Variants in TENM1 observed in about 807,000 individuals in gnomAD.
TENM1 encodes teneurin transmembrane protein 1.
In TENM1, 35 loss-of-function variants were observed where a neutral mutation model predicts 174.8. That is an observed-to-expected ratio of 0.20 (90% CI 0.15 to 0.27). The LOEUF (loss-of-function observed/expected upper bound fraction) is 0.27, where lower values mean the gene tolerates loss of function less well. TENM1 is among the 10% of genes least tolerant of loss of function. The probability of loss-of-function intolerance (pLI) is 1.00; values close to 1 mark genes in which losing one functional copy is unlikely to be tolerated. For missense variants in TENM1, 1,633 were observed against 2,130.1 expected (o/e 0.77, Z 4.59); for synonymous variants, 781 against 798.7 (o/e 0.98, Z 0.37).
chrX:124,523,328 T>C lies in TENM1; in HGVS notation c.3033+36A>G, dbSNP rs778996424. ...ATACACTGTTGACCACTCCATGATA[T>C]TATTATTTTATACATTCAAAGGCCA... is the stretch of plus-strand genomic sequence containing the variant. On this transcript the variant is annotated intron_variant, in intron 17 of 31. Transcript: ENST00000422452. The C allele has an allele frequency of 1.6e-5, 19 of 1,189,526 alleles. No individual in the cohort carries two copies. In the Admixed American group the frequency reaches 4.2e-4, roughly 26 times the overall value.
chrX:124,996,551 AC>A, the TENM1 span, among the ~76,000 whole-genome samples: 9 of 71,727 alleles, frequency 1.3e-4, no homozygotes, highest in African/African-American at 6.7e-4. Context: ...AAAAAAAACC[AC>A]ACACACACAC....
intron 5 of TENM1, among the ~76,000 whole-genome samples, chrX:124,682,381 G>A (rs938469429): frequency 7.2e-5 from 8 of 111,237 alleles, no homozygotes; most frequent in African/African-American, 9.8e-5. Context: ...TAATTCTCAC[G>A]TAGCTATATA....
the TENM1 span, among the ~76,000 whole-genome samples, chrX:125,139,867 G>C: frequency 0.11 from 8,273 of 73,788 alleles, 374 homozygotes; most frequent in Non-Finnish European, 0.14. Context: ...CGGAGAGAGA[G>C]AGAGAGAGAG....
At chrX:124,564,433 G>A (rs1035968641) in intron 12 of TENM1, among the ~76,000 whole-genome samples, 42 of 111,687 alleles carry the variant, frequency 3.8e-4, no homozygotes, top group Non-Finnish European at 6.6e-4. Context: ...AGTCTAGTGA[G>A]GGAAAAGCCT....
intron 6 of TENM1, among the ~76,000 whole-genome samples, chrX:124,668,400 G>A (rs1336411465): frequency 1.8e-5 from 2 of 111,769 alleles, no homozygotes; most frequent in Non-Finnish European, 3.8e-5. Flanking sequence ...ACATGCACAC[G>A]TATGTTTACT....
chrX:124,784,700 T>C (rs1385085943), intron 3 of TENM1, among the ~76,000 whole-genome samples: 4 of 111,691 alleles, frequency 3.6e-5, no homozygotes, highest in African/African-American at 3.2e-5. Flanking sequence ...GTTTTAAAAT[T>C]TGAGATATTA....
intron 15 of TENM1, among the ~76,000 whole-genome samples, chrX:124,546,227 T>C (rs2048426037): frequency 8.9e-6 from 1 of 111,945 alleles, no homozygotes; most frequent in African/African-American, 3.2e-5. Context: ...GAGAACATTT[T>C]TGTGTCTGGA....
chrX:124,829,462 C>T (rs1055787831), intron 3 of TENM1, among the ~76,000 whole-genome samples: 10 of 111,902 alleles, frequency 8.9e-5, no homozygotes, highest in South Asian at 3.8e-4. Flanking sequence ...TCCCAGAGCA[C>T]GTCATCTCAA....
intron 3 of TENM1, among the ~76,000 whole-genome samples, chrX:124,769,399 G>C (rs2054605406): frequency 9.0e-6 from 1 of 111,538 alleles, no homozygotes; most frequent in Non-Finnish European, 1.9e-5. Flanking sequence ...CCCGTTAACT[G>C]CAAAAATTTC....
chrX:124,747,087 G>A (rs755750369), intron 3 of TENM1, among the ~76,000 whole-genome samples: 1 of 109,543 alleles, frequency 9.1e-6, no homozygotes, highest in Admixed American at 9.9e-5. Flanking sequence ...AGGAGGCAGA[G>A]GTTGCAGACA....
intron 25 of TENM1, among the ~76,000 whole-genome samples, chrX:124,407,422 A>G (rs1181140558): frequency 8.9e-6 from 1 of 112,257 alleles, no homozygotes; most frequent in Non-Finnish European, 1.9e-5. Flanking sequence ...AAAATATTTA[A>G]GCACTTTTAT....
At chrX:124,955,797 G>GCACACACACACACACACACA (rs376755403) in intron 1 of TENM1, among the ~76,000 whole-genome samples, 18 of 91,251 alleles carry the variant, frequency 2.0e-4, no homozygotes, top group Non-Finnish European at 3.1e-4. Context: ...ACACGCGCAC[G>GCACACACACACACACACACA]CACACACACA....
chrX:124,573,651 A>T (rs1472670219), intron 11 of TENM1, among the ~76,000 whole-genome samples: 2 of 112,262 alleles, frequency 1.8e-5, no homozygotes, highest in Non-Finnish European at 3.8e-5. Flanking sequence ...GATTCAGCAC[A>T]GTAAGAATCC....
At chrX:124,751,040 A>G (rs2054051581) in intron 3 of TENM1, among the ~76,000 whole-genome samples, 1 of 112,028 alleles carries the variant, frequency 8.9e-6, no homozygotes, top group South Asian at 3.7e-4. Context: ...TATGTAATCT[A>G]TAGTAACAGT....
intron 1 of TENM1, among the ~76,000 whole-genome samples, chrX:124,901,341 AAAAT>A (rs2057660904): frequency 8.9e-6 from 1 of 112,010 alleles, no homozygotes; most frequent in South Asian, 3.7e-4. Context: ...CACTGAAAAA[AAAAT>A]AAATGACTCT....
intron 3 of TENM1, among the ~76,000 whole-genome samples, chrX:124,863,851 G>A (rs1229485763): frequency 8.9e-6 from 1 of 112,567 alleles, no homozygotes; most frequent in Non-Finnish European, 1.9e-5. Context: ...TAGTGGTGGT[G>A]GCCACAGAGG....
intron 23 of TENM1, among the ~76,000 whole-genome samples, chrX:124,441,159 T>C (rs751143540): frequency 1.8e-5 from 2 of 111,836 alleles, no homozygotes; most frequent in Non-Finnish European, 3.8e-5. Flanking sequence ...CTTAATTAAC[T>C]TGTCTGAGGT....
chrX:124,768,473 T>C (rs937135727), intron 3 of TENM1, among the ~76,000 whole-genome samples: 2 of 112,061 alleles, frequency 1.8e-5, no homozygotes, highest in African/African-American at 6.5e-5. Flanking sequence ...TGGCACATTA[T>C]AAGTGTTTAG....
At chrX:124,714,337 G>T (rs1283918315) in intron 4 of TENM1, among the ~76,000 whole-genome samples, 2 of 111,863 alleles carry the variant, frequency 1.8e-5, no homozygotes, top group Admixed American at 9.5e-5. Context: ...GCTTAAAATG[G>T]TGCATAATAA....
Sources: allele counts gnomAD v4.1 joint callset (sites outside exome capture counted in the v4.1 genomes callset), GRCh38; gene constraint gnomAD v4.1.1; transcripts MANE v1.5; gene names NCBI Gene and HGNC (gene_info 2026-07-23, HGNC 2026-07-21).